Variants in INSC observed in about 807,000 individuals in gnomAD.
INSC encodes the protein INSC spindle orientation adaptor protein.
INSC carries 67 observed loss-of-function variants against 58.6 expected under a neutral mutation model. That is an observed-to-expected ratio of 1.14 (90% confidence interval 0.94 to 1.40). INSC has a LOEUF of 1.40. INSC is among the 40% of genes most tolerant of loss of function. The pLI, the probability that INSC is intolerant of heterozygous loss-of-function variation, is 0.00. For missense variants in INSC, 714 were observed against 692.0 expected, an observed-to-expected ratio of 1.03 and a Z score of -0.36; for synonymous variants, 262 against 276.1, an observed-to-expected ratio of 0.95 and a Z score of 0.51.
chr11:15,168,282 GAC>G (rs1564880947), intron 2 of INSC, among the ~76,000 whole-genome samples: 1 of 152,064 alleles, frequency 6.6e-6, no homozygotes, highest in Non-Finnish European at 1.5e-5. Context: ...CTACCCCACT[GAC>G]AGGCCCTAGT....
chr11:15,210,505 T>TGTGTG, intron 7 of INSC, among the ~76,000 whole-genome samples: 1 of 135,466 alleles, frequency 7.4e-6, no homozygotes, highest in Non-Finnish European at 1.6e-5. Context: ...ATTTGAGAGT[T>TGTGTG]TGTGTGTGTG....
intron 2 of INSC, among the ~76,000 whole-genome samples, chr11:15,169,433 A>G (rs554527635): frequency 1.1e-4 from 16 of 152,286 alleles, no homozygotes; most frequent in African/African-American, 3.6e-4. Context: ...TTCACCTATC[A>G]TCCTGGAGCT....
At chr11:15,161,949 T>G (rs1849034812) in intron 2 of INSC, among the ~76,000 whole-genome samples, 1 of 152,220 alleles carries the variant, frequency 6.6e-6, no homozygotes, top group African/African-American at 2.4e-5. Context: ...ATTTATAGCT[T>G]GTTACATAAA....
At chr11:15,142,656 A>G (rs917536918) in intron 1 of INSC, among the ~76,000 whole-genome samples, 1 of 152,082 alleles carries the variant, frequency 6.6e-6, no homozygotes, top group Non-Finnish European at 1.5e-5. Context: ...TGTCTGTCCT[A>G]TGGGAGAACT....
At chr11:15,205,506 C>T (rs1048866148) in intron 7 of INSC, among the ~76,000 whole-genome samples, 2 of 152,086 alleles carry the variant, frequency 1.3e-5, no homozygotes, top group Non-Finnish European at 2.9e-5. Context: ...GAGTAGACAG[C>T]GAATAAATGG....
chr11:15,127,271 T>C (rs1848018831), intron 1 of INSC, among the ~76,000 whole-genome samples: 1 of 152,228 alleles, frequency 6.6e-6, no homozygotes, highest in Admixed American at 6.5e-5. Flanking sequence ...CTTGCTGTCC[T>C]AAGAAGCTTA....
At chr11:15,184,490 G>A in intron 5 of INSC, 1 of 158,124 alleles carries the variant, frequency 6.3e-6, no homozygotes, top group South Asian at 1.5e-4. Context: ...CCGCCTCCTG[G>A]GTTCAAGTGA....
intron 1 of INSC, among the ~76,000 whole-genome samples, chr11:15,145,881 TG>T (rs1042356750): frequency 2.6e-5 from 4 of 152,092 alleles, no homozygotes; most frequent in African/African-American, 9.7e-5. Flanking sequence ...CTCCTGGGGT[TG>T]GGTGTTGCCA....
At chr11:15,244,381 C>G (rs1034676626) in intron 12 of INSC, among the ~76,000 whole-genome samples, 1 of 152,138 alleles carries the variant, frequency 6.6e-6, no homozygotes, top group Non-Finnish European at 1.5e-5. Context: ...CAGAGACACA[C>G]GCTCCTTCTC....
chr11:15,235,823 A>C (rs1432422357), intron 10 of INSC, among the ~76,000 whole-genome samples, 155 bp downstream of exon 10: 4 of 152,092 alleles, frequency 2.6e-5, no homozygotes, highest in Admixed American at 2.6e-4. Flanking sequence ...TGGGAAGCAG[A>C]GGTGGGCGGA....
At chr11:15,165,500 G>T (rs979642456) in intron 2 of INSC, among the ~76,000 whole-genome samples, 10 of 152,180 alleles carry the variant, frequency 6.6e-5, no homozygotes, top group Admixed American at 5.2e-4. Flanking sequence ...CTTGTCCAAA[G>T]TTACGTAGCT....
intron 1 of INSC, among the ~76,000 whole-genome samples, chr11:15,122,028 G>A (rs537883635): frequency 7.2e-5 from 11 of 152,270 alleles, no homozygotes; most frequent in African/African-American, 1.9e-4. Flanking sequence ...CCTTTTAGTC[G>A]AAAATGGTAT....
At chr11:15,200,361 A>G (rs1364414852) in intron 6 of INSC, among the ~76,000 whole-genome samples, 16 of 152,194 alleles carry the variant, frequency 1.1e-4, no homozygotes, top group Admixed American at 1.0e-3. Context: ...GAGGAATAGC[A>G]TGGTGACTGT....
chr11:15,246,173 T>C lies in INSC; in HGVS notation c.*133T>C, dbSNP rs1314995508. ...TTAACTTATTTTTGTGTGAAATAAA[T>C]GGAGGACAAAATCTTAGAGCAACAT... On this transcript the variant is annotated 3_prime_UTR_variant, in exon 13 of 13. Transcript: ENST00000379556. 3 of 957,176 alleles carry C rather than the reference T, an allele frequency of 3.1e-6. No individual in the cohort carries two copies. The highest frequency in any genetic ancestry group is 3.3e-5 in the African/African-American group (2 of 61,280). The allele number at this position is 957,176 out of a possible 1,614,324, so 59.3% of individuals were successfully genotyped here. A position where few individuals can be genotyped will look rare whatever the true frequency, so the allele number is the denominator to read the frequency against.
intron 8 of INSC, 30 bp downstream of exon 8, chr11:15,221,678 G>C (rs373360877): frequency 1.9e-6 from 3 of 1,581,736 alleles, no homozygotes; most frequent in African/African-American, 2.7e-5. Flanking sequence ...GGGACCACTA[G>C]GAGAGAGGGC....
At chr11:15,243,227 T>C (rs1168992140) in intron 12 of INSC, among the ~76,000 whole-genome samples, 1 of 152,168 alleles carries the variant, frequency 6.6e-6, no homozygotes, top group Non-Finnish European at 1.5e-5. Context: ...TGAGATTCAC[T>C]TGGAGCCTAG....
chr11:15,192,307 TG>T (rs1255989149), intron 6 of INSC, among the ~76,000 whole-genome samples: 2 of 152,218 alleles, frequency 1.3e-5, no homozygotes, highest in African/African-American at 4.8e-5. Flanking sequence ...TCATGGCCTT[TG>T]CACCTTTTGT....
At chr11:15,149,334 G>T (rs757347041) in intron 2 of INSC, 104 bp downstream of exon 2, 1 of 1,150,134 alleles carries the variant, frequency 8.7e-7, no homozygotes, top group Non-Finnish European at 1.2e-6. Context: ...ATCTTCCCAC[G>T]CAATTTTCTG....
intron 1 of INSC, among the ~76,000 whole-genome samples, chr11:15,142,267 C>A (rs1848389713): frequency 6.6e-6 from 1 of 152,188 alleles, no homozygotes; most frequent in African/African-American, 2.4e-5. Flanking sequence ...GTGACCACTC[C>A]TTTTTCTGCA....
Sources: gnomAD v4.1 joint callset for allele counts (sites outside exome capture counted in the v4.1 genomes callset) on GRCh38, gnomAD v4.1.1 for gene constraint, MANE v1.5 for transcripts, NCBI Gene and HGNC (gene_info 2026-07-23, HGNC 2026-07-21) for gene names.